PCGF5: variants seen among roughly 807,000 people sequenced by gnomAD.
PCGF5 encodes the protein polycomb group RING finger protein 5.
In PCGF5, 9 loss-of-function variants were observed where a neutral mutation model predicts 44.3. The ratio of observed to expected loss-of-function variants is 0.20; its 90% CI spans 0.12 to 0.35. PCGF5 has a LOEUF of 0.35. Among genes scored for constraint, PCGF5 ranks in the 10% least tolerant of loss-of-function variants. PCGF5 has a pLI of 1.00. For synonymous variants in PCGF5, 95 were observed against 102.5 expected (o/e 0.93, Z 0.44); for missense variants, 146 against 305.3 (o/e 0.48, Z 3.89).
intron 1 of PCGF5, among the ~76,000 whole-genome samples, chr10:91,207,543 A>G (rs764004488): frequency 2.6e-5 from 4 of 152,206 alleles, no homozygotes; most frequent in African/African-American, 2.4e-5. Context: ...TACAGTTACT[A>G]TATTCAGGAA....
intron 1 of PCGF5, among the ~76,000 whole-genome samples, chr10:91,180,199 G>C (rs1843794101): frequency 6.6e-6 from 1 of 151,970 alleles, no homozygotes; most frequent in Non-Finnish European, 1.5e-5. Context: ...GGAGTGGTTT[G>C]TTTCTTTTCT....
Position 91,240,600 on chromosome 10 carries a change from C to T in PCGF5, c.209+20C>T, listed in dbSNP as rs983044550. 46 of 1,503,522 alleles carry T rather than the reference C, an allele frequency of 3.1e-5. No homozygotes were observed. Among genetic ancestry groups the T allele is most frequent in the Non-Finnish European group, 3.9e-5 (42 of 1,088,748 alleles). 93.1% of individuals were successfully genotyped at this position (1,503,522 alleles called of 1,614,324 possible). ...GTTGAGGTAAGGATGTTATATTTTA[C>T]AGTTCATCTAATTTACATAAATTGA... is the stretch of plus-strand genomic sequence containing the variant. On this transcript the variant is annotated intron_variant, in intron 3 of 9. Coordinates refer to ENST00000336126, the MANE Select transcript of PCGF5 (RefSeq NM_032373.5).
At chr10:91,223,706 A>G (rs1223261009) in intron 2 of PCGF5, among the ~76,000 whole-genome samples, 2 of 152,182 alleles carry the variant, frequency 1.3e-5, no homozygotes, top group Non-Finnish European at 2.9e-5. Context: ...CCAGTAAGTT[A>G]TAGTTTAATG....
In PCGF5 at chr10:91,197,924, C is replaced by T. The variant is rs149338195; in HGVS notation, c.-183-24765C>T. On this transcript the variant is annotated intron_variant, in intron 1 of 9. Transcript: ENST00000614189. ...CATTTAGGAAAGAGTTCTCCTGGTT[C>T]TCAAGATGTTTCATTCATTCAATAA... Among the ~76,000 whole-genome samples, 810 of 152,264 alleles carry T rather than the reference C, an allele frequency of 5.3e-3. 7 individuals carry two copies. The highest frequency in any genetic ancestry group is 0.018 in the African/African-American group (750 of 41,518).
At chr10:91,245,140 C>T (rs1167672046) in intron 3 of PCGF5, among the ~76,000 whole-genome samples, 1 of 152,096 alleles carries the variant, frequency 6.6e-6, no homozygotes, top group East Asian at 1.9e-4. Flanking sequence ...GAGGAGCCAG[C>T]ACAGGAAACT....
rs148813690 is a variant in PCGF5, at chr10:91,231,772, G to A, written c.113-8712G>A. On this transcript the variant is annotated intron_variant, in intron 2 of 9. Transcript: ENST00000336126. The stretch of plus-strand genomic sequence containing the variant: ...AAGGAATCACTCAGACTACTATGTC[G>A]AAAGCAGACCTGTTAGAAGGCCATT... Among the ~76,000 whole-genome samples the A allele has an allele frequency of 1.9e-3, 283 of 152,274 alleles. 1 individual carries two copies. Among genetic ancestry groups the A allele is most frequent in the African/African-American group, 6.2e-3 (257 of 41,548 alleles).
chr10:91,265,536 A>G (rs1846030770), intron 8 of PCGF5, among the ~76,000 whole-genome samples: 1 of 152,140 alleles, frequency 6.6e-6, no homozygotes, highest in Non-Finnish European at 1.5e-5. Flanking sequence ...AAATCATAAA[A>G]AAAAACAAAA....
chr10:91,163,509 G>A (rs1470776936), intron 1 of PCGF5, among the ~76,000 whole-genome samples: 1 of 151,988 alleles, frequency 6.6e-6, no homozygotes, highest in Non-Finnish European at 1.5e-5. Context: ...GGGACCGGCA[G>A]CAGCGGCGCC....
chr10:91,216,445 G>T (rs186184396), upstream of PCGF5, among the ~76,000 whole-genome samples: 1 of 152,190 alleles, frequency 6.6e-6, no homozygotes, highest in African/African-American at 2.4e-5. Flanking sequence ...TGGGGAGGCT[G>T]TAGAAGTGAC....
intron 1 of PCGF5, 49 bp downstream of exon 1, chr10:91,220,885 C>T (rs1295973993): frequency 6.6e-6 from 1 of 152,612 alleles, no homozygotes; most frequent in African/African-American, 2.4e-5. Context: ...GACTCCTCAC[C>T]CAAGTTTGCG....
At chr10:91,259,835 C>A (rs1327535034) in intron 6 of PCGF5, among the ~76,000 whole-genome samples, 10 of 152,000 alleles carry the variant, frequency 6.6e-5, no homozygotes, top group Admixed American at 1.3e-4. Context: ...TAAAGACTTA[C>A]ATGTTAGACC....
chr10:91,180,743 G>A (rs1843803046), intron 1 of PCGF5, among the ~76,000 whole-genome samples: 1 of 152,084 alleles, frequency 6.6e-6, no homozygotes, highest in Non-Finnish European at 1.5e-5. Flanking sequence ...TGCTGTTTTG[G>A]TTACTGTAGC....
At chr10:91,269,464 T>G (rs1260683740) in intron 8 of PCGF5, among the ~76,000 whole-genome samples, 1 of 152,218 alleles carries the variant, frequency 6.6e-6, no homozygotes, top group African/African-American at 2.4e-5. Context: ...TTTTAATACA[T>G]TAATAATAAC....
At chr10:91,259,237 C>T (rs1845832917) in intron 6 of PCGF5, among the ~76,000 whole-genome samples, 1 of 152,142 alleles carries the variant, frequency 6.6e-6, no homozygotes, top group Admixed American at 6.6e-5. Context: ...AGTACTGGCA[C>T]AGCCTATCAG....
Position 91,205,407 on chromosome 10 carries a change from C to A in PCGF5, c.-183-17282C>A, listed in dbSNP as rs540748799. Among the ~76,000 whole-genome samples the A allele has an allele frequency of 3.3e-5, 5 of 152,196 alleles. No individual in the cohort carries two copies. In the South Asian group the frequency reaches 1.0e-3, roughly 32 times the overall value. ...AGATAATCTGTGAATAAAAACACAC[C>A]CATAGACCTAGATATTAGTATTTTA... On this transcript the variant is annotated intron_variant, in intron 1 of 9. Coordinates refer to the PCGF5 transcript ENST00000614189.
intron 9 of PCGF5, among the ~76,000 whole-genome samples, chr10:91,273,212 TA>T (rs1342793267): frequency 6.6e-6 from 1 of 152,212 alleles, no homozygotes; most frequent in African/African-American, 2.4e-5. Flanking sequence ...CTGGGGTAAA[TA>T]ATTTAACTGA....
At chr10:91,217,746 CCTTT>C (rs554184177), upstream of PCGF5, among the ~76,000 whole-genome samples, 326 of 152,284 alleles carry the variant, frequency 2.1e-3, 1 homozygote, top group African/African-American at 7.5e-3. Context: ...TCCATTCTTC[CCTTT>C]CTTTCTTCCT....
chr10:91,195,141 T>C (rs1844103914), intron 1 of PCGF5, among the ~76,000 whole-genome samples: 1 of 151,796 alleles, frequency 6.6e-6, no homozygotes, highest in South Asian at 2.1e-4. Context: ...CATCGGGAAA[T>C]TGGGAGATTA....
chr10:91,257,151 G>C (rs1344531432), intron 6 of PCGF5, among the ~76,000 whole-genome samples: 2 of 150,938 alleles, frequency 1.3e-5, no homozygotes, highest in African/African-American at 5.0e-5. Context: ...CAAAAGGCTT[G>C]AATAAACATT....
Sources: gnomAD v4.1 joint callset for allele counts (sites outside exome capture counted in the v4.1 genomes callset) on GRCh38, gnomAD v4.1.1 for gene constraint, MANE v1.5 for transcripts, NCBI Gene and HGNC (gene_info 2026-07-23, HGNC 2026-07-21) for gene names.